Variants in GFOD2 observed in about 807,000 individuals in gnomAD.
The protein encoded by GFOD2 is Gfo/Idh/MocA-like oxidoreductase domain containing 2.
GFOD2 carries 9 observed loss-of-function variants against 24.6 expected under a neutral mutation model. The observed-to-expected ratio is 0.37, with a 90% CI of 0.22 to 0.64. The LOEUF (loss-of-function observed/expected upper bound fraction) is 0.64. GFOD2 is among the 30% of genes least tolerant of loss of function. GFOD2 has a pLI of 0.65. For missense variants in GFOD2, 476 were observed against 532.5 expected (o/e 0.89, Z 1.04); for synonymous variants, 211 against 224.8 (o/e 0.94, Z 0.55).
chr16:67,682,040 CTTTTCT>C, intron 2 of GFOD2: 1 of 283,806 alleles, frequency 3.5e-6, no homozygotes, highest in Non-Finnish European at 5.3e-6. Flanking sequence ...TTTTACTTTT[CTTTTCT>C]TTTTTTTTTG....
At chr16:67,717,294 A>ATAG (rs1567664027) in intron 1 of GFOD2, among the ~76,000 whole-genome samples, 1 of 152,210 alleles carries the variant, frequency 6.6e-6, no homozygotes, top group African/African-American at 2.4e-5. Context: ...TGCAAAGTCA[A>ATAG]ATGTAAATAG....
Position 67,685,503 on chromosome 16 carries a change from G to C in GFOD2, c.213C>G (p.Ile71Met), listed in dbSNP as rs750521046. 11 of 1,614,130 alleles carry C rather than the reference G, an allele frequency of 6.8e-6. No individual in the cohort carries two copies. The highest frequency in any genetic ancestry group is 6.8e-6 in the Non-Finnish European group (8 of 1,180,012). Reference sequence around the variant, plus strand: ...GCCGGGTGAGTGGAGGGGGGATGCTGATGCACACCAGATCCACATCTTGAT... The same window carrying C: ...GCCGGGTGAGTGGAGGGGGGATGCTCATGCACACCAGATCCACATCTTGAT... Reference protein sequence around the residue: ...LLHQDVDLVCISIPPPLTRQI... With the variant: ...LLHQDVDLVCMSIPPPLTRQI... The change falls in exon 2 of 3, where the codon ATC (isoleucine) becomes ATG (methionine). Residue 71 changes from isoleucine (I) to methionine (M), a missense_variant. Coordinates refer to ENST00000268797, the MANE Select transcript of GFOD2 (RefSeq NM_030819.4).
At chr16:67,707,528 T>C (rs185934054) in intron 1 of GFOD2, among the ~76,000 whole-genome samples, 120 of 152,070 alleles carry the variant, frequency 7.9e-4, no homozygotes, top group East Asian at 3.9e-4. Flanking sequence ...CACTTATAGA[T>C]ATTTATCTAA....
At chr16:67,689,396 C>T (rs868200889) in intron 1 of GFOD2, among the ~76,000 whole-genome samples, 2 of 148,942 alleles carry the variant, frequency 1.3e-5, no homozygotes, top group African/African-American at 4.9e-5. Context: ...TACAGCTGGG[C>T]GTGGTGGCTC....
chr16:67,702,003 G>A (rs1388518213), intron 1 of GFOD2, among the ~76,000 whole-genome samples: 3 of 152,058 alleles, frequency 2.0e-5, no homozygotes, highest in Non-Finnish European at 2.9e-5. Flanking sequence ...TAGAGGCCAC[G>A]ACCCACTGCC....
intron 2 of GFOD2, chr16:67,684,773 TAAAGA>T (rs534165454): frequency 1.3e-4 from 123 of 983,866 alleles, no homozygotes; most frequent in Non-Finnish European, 1.4e-4. Context: ...TTATATTAGA[TAAAGA>T]GAAGAAGTTG....
chr16:67,675,933 A>G lies in GFOD2; in HGVS notation c.380T>C (p.Leu127Pro). 6.2e-7 allele frequency: 1 copy of G among 1,614,250 alleles called. No individual in the cohort carries two copies. The highest frequency in any genetic ancestry group is 8.5e-7 in the Non-Finnish European group (1 of 1,180,050). The change falls in exon 3 of 3, where the codon CTG becomes CCG. Residue 127 changes from leucine (L) to proline (P), a missense_variant. Leu to Pro is a moderately conservative substitution (Grantham distance 98, BLOSUM62 -3). Coordinates refer to ENST00000268797, the MANE Select transcript of GFOD2 (RefSeq NM_030819.4). ...CTGTTTCATGCGCACGAAGGCAGGC[A>G]GGAAGCGCAGCACGTTCCCTACCAG... ...MSLVGNVLRFLPAFVRMKQLI... is the reference protein window; with the variant it reads ...MSLVGNVLRFPPAFVRMKQLI...
Position 67,691,511 on chromosome 16 carries a change from C to A in GFOD2, c.-87-5709G>T, listed in dbSNP as rs560309274. On this transcript the variant is annotated intron_variant, in intron 1 of 2. Coordinates refer to ENST00000268797, the MANE Select transcript of GFOD2 (RefSeq NM_030819.4). ...AAGCAAGTCACACTGTGCCTAGACC[C>A]CCCCCCAAAAAAAAAAAAATTAAGA... is the stretch of plus-strand genomic sequence containing the variant. 5.6e-3 allele frequency among the ~76,000 whole-genome samples: 828 copies of A among 147,434 alleles called. 4 individuals are homozygous for A. The highest frequency in any genetic ancestry group is 9.7e-3 in the South Asian group (45 of 4,624).
At chr16:67,694,614 A>T (rs1301830984) in intron 1 of GFOD2, among the ~76,000 whole-genome samples, 1 of 152,184 alleles carries the variant, frequency 6.6e-6, no homozygotes, top group Non-Finnish European at 1.5e-5. Context: ...TGTTTTCTCA[A>T]CTTCATTTTC....
At chr16:67,681,120 A>T (rs780076205) in intron 2 of GFOD2, 10 of 985,460 alleles carry the variant, frequency 1.0e-5, no homozygotes, top group Non-Finnish European at 1.2e-5. Flanking sequence ...GAATTTTGCC[A>T]TTTGGCTGCT....
intron 2 of GFOD2, chr16:67,684,874 C>T: frequency 1.0e-6 from 1 of 990,790 alleles, no homozygotes; most frequent in Non-Finnish European, 1.2e-6. Flanking sequence ...CAAGAGGTTA[C>T]CAAGCCCAAA....
intron 1 of GFOD2, among the ~76,000 whole-genome samples, chr16:67,698,667 C>T (rs1417666848): frequency 1.3e-5 from 2 of 152,144 alleles, no homozygotes; most frequent in African/African-American, 2.4e-5. Context: ...TTAGTAGACA[C>T]GGGGTTTCCC....
chr16:67,696,145 C>T (rs2053357288), intron 1 of GFOD2, among the ~76,000 whole-genome samples: 2 of 151,808 alleles, frequency 1.3e-5, no homozygotes, highest in South Asian at 4.2e-4. Context: ...TTCCAAGTAG[C>T]TGCGATTACA....
intron 2 of GFOD2, chr16:67,683,372 C>T: frequency 2.4e-6 from 3 of 1,227,546 alleles, no homozygotes; most frequent in Non-Finnish European, 3.0e-6. Flanking sequence ...GCTCCGGACA[C>T]ACCTCACCTT....
intron 2 of GFOD2, chr16:67,682,722 T>C: frequency 1.0e-6 from 1 of 985,368 alleles, no homozygotes; most frequent in Non-Finnish European, 1.2e-6. Flanking sequence ...TCTCGTGGCC[T>C]TAGAAGTAAG....
At chr16:67,681,452 G>A (rs749179107) in intron 2 of GFOD2, 31 of 958,868 alleles carry the variant, frequency 3.2e-5, no homozygotes, top group South Asian at 4.8e-5. Context: ...ATGGGGACTC[G>A]CTTTGTTACC....
chr16:67,695,427 C>CTAT (rs141203887), intron 1 of GFOD2, among the ~76,000 whole-genome samples: 1 of 152,092 alleles, frequency 6.6e-6, no homozygotes, highest in African/African-American at 2.4e-5. Flanking sequence ...GCTATTTGGT[C>CTAT]ACTGTCTGCT....
At chr16:67,693,769 T>C (rs891883584) in intron 1 of GFOD2, among the ~76,000 whole-genome samples, 2 of 151,782 alleles carry the variant, frequency 1.3e-5, no homozygotes, top group Non-Finnish European at 2.9e-5. Context: ...AACAATTCAG[T>C]GGCCGCTGGG....
At chr16:67,691,646 C>G (rs1043241019) in intron 1 of GFOD2, among the ~76,000 whole-genome samples, 70 of 152,114 alleles carry the variant, frequency 4.6e-4, no homozygotes, top group African/African-American at 1.6e-3. Flanking sequence ...TCTTTTCTGA[C>G]TGTACCCCCC....
Sources: gnomAD v4.1 joint callset for allele counts (sites outside exome capture counted in the v4.1 genomes callset) on GRCh38, gnomAD v4.1.1 for gene constraint, MANE v1.5 for transcripts, NCBI Gene and HGNC (gene_info 2026-07-23, HGNC 2026-07-21) for gene names.